OR2M3: variants seen among roughly 807,000 people sequenced by gnomAD.
The protein encoded by OR2M3 is olfactory receptor family 2 subfamily M member 3.
OR2M3 carries 1 observed loss-of-function variant against 4.3 expected under a neutral mutation model. That is an observed-to-expected ratio of 0.23 (90% CI 0.08 to 1.11). The LOEUF is 1.11. Ranked by LOEUF, OR2M3 falls within the 50% of genes most tolerant of loss-of-function variation. OR2M3 has a pLI of 0.54. For missense variants in OR2M3, 410 were observed against 390.4 expected (o/e 1.05, Z -0.42); for synonymous variants, 151 against 139.4 (o/e 1.08, Z -0.59).
At position 248,203,451 on chromosome 1, in the gene OR2M3, C is replaced by T. The variant is rs867087574; in HGVS notation, c.384C>T (p.His128=). The T allele has an allele frequency of 6.2e-7, 1 of 1,613,898 alleles. No individual in the cohort carries two copies. Among genetic ancestry groups the T allele is most frequent in the South Asian group, 1.1e-5 (1 of 91,088 alleles). ...ATGACCGCTACACTGCCATTTGCCA[C>T]CCTCTAAGATACACCAATCTCATGA... ...MAYDRYTAIC[H]PLRYTNLMSP... is the part of the protein sequence containing the mutation. Residue 128 remains histidine (H), a synonymous_variant, in exon 2 of 2, where the codon CAC becomes CAT. Coordinates refer to ENST00000641626, the MANE Select transcript of OR2M3 (RefSeq NM_001004689.2).
At position 248,204,092 on chromosome 1, in the gene OR2M3, T is replaced by C. The variant is rs1236799890; in HGVS notation, c.*86T>C. The C allele has an allele frequency of 1.2e-5, 16 of 1,285,586 alleles. No homozygotes were observed. Among genetic ancestry groups the C allele is most frequent in the Admixed American group, 1.8e-5 (1 of 55,976 alleles). 79.6% of individuals were successfully genotyped at this position (1,285,586 alleles called of 1,614,324 possible). On this transcript the variant is annotated 3_prime_UTR_variant, in exon 2 of 2. Coordinates refer to ENST00000641626, the MANE Select transcript of OR2M3 (RefSeq NM_001004689.2). ...TTTCCATTAAGCCTTGAAAATGGGA[T>C]TCATTGTGTACATAAATCTGCAATG...
chr1:248,203,252 T>C lies in OR2M3; in HGVS notation c.185T>C (p.Leu62Pro). ...CAGCTCCACACCCCCATGTACCTCC[T>C]CCTCAGCCAACTGTCCCTCATGGAC... Reference protein sequence around the residue: ...DTQLHTPMYLLLSQLSLMDLM... With the variant: ...DTQLHTPMYLPLSQLSLMDLM... The change falls in exon 2 of 2, where the codon CTC (leucine) becomes CCC (proline). Residue 62 changes from leucine to proline, a missense_variant. By Grantham distance (98) the Leu-to-Pro change is moderately conservative. Transcript: ENST00000641626. 6.2e-7 allele frequency: 1 copy of C among 1,614,014 alleles called. No homozygotes were observed. Among genetic ancestry groups the C allele is most frequent in the East Asian group, 2.2e-5 (1 of 44,870 alleles).
In OR2M3 at chr1:248,208,414, T is replaced by C. The variant is rs1192976731; in HGVS notation, c.*4408T>C. The C allele has an allele frequency of 6.6e-6, 1 of 152,172 alleles. No individual in the cohort carries two copies. Among genetic ancestry groups the C allele is most frequent in the East Asian group, 1.9e-4 (1 of 5,198 alleles). 9.4% of individuals were successfully genotyped at this position (152,172 alleles called of 1,614,324 possible). On this transcript the variant is annotated 3_prime_UTR_variant, in exon 2 of 2. Transcript: ENST00000641626. ...TTTCATTATGTTATTGTTATATAGG[T>C]CCTGTAATATTTATGCTTTAAGGAG...
rs184840576 is a variant in OR2M3 at position 248,211,981 on chromosome 1, G to C, written c.*7975G>C. 1.3e-5 allele frequency: 2 copies of C among 152,134 alleles called. No homozygotes were observed. Among genetic ancestry groups the C allele is most frequent in the African/African-American group, 4.8e-5 (2 of 41,416 alleles). The allele number at this position is 152,134 out of a possible 1,614,324, so 9.4% of individuals were successfully genotyped here. ...TTTAGCATTTCTGCTCTTTGAATAG[G>C]ATTAGAGTTTATGGAACAATGTAAA... On this transcript the variant is annotated 3_prime_UTR_variant, in exon 2 of 2. Transcript: ENST00000641626.
At position 248,203,500 on chromosome 1, in the gene OR2M3, A is replaced by T. The variant is rs1287164637; in HGVS notation, c.433A>T (p.Thr145Ser). ...GAGCCCTAAAATTTGTGGACTTATG[A>T]CTGCCTTTTCCTGGATCCTGGGCTC... ...LMSPKICGLM[T>S]AFSWILGSTD... The change falls in exon 2 of 2, where the codon ACT becomes TCT. Residue 145 changes from threonine (T) to serine (S), a missense_variant. By Grantham distance (58) the Thr-to-Ser change is moderately conservative. Transcript: ENST00000641626. 1 of 1,613,774 alleles carries T rather than the reference A, an allele frequency of 6.2e-7. No individual in the cohort carries two copies. Among genetic ancestry groups the T allele is most frequent in the Non-Finnish European group, 8.5e-7 (1 of 1,179,836 alleles).
intron 1 of OR2M3, among the ~76,000 whole-genome samples, chr1:248,200,404 T>C (rs1284299734): frequency 1.3e-5 from 2 of 152,090 alleles, no homozygotes; most frequent in East Asian, 1.9e-4. Flanking sequence ...CTACCTCCTC[T>C]TGAAGACAAC....
chr1:248,202,282 C>T (rs1478227004), intron 1 of OR2M3, among the ~76,000 whole-genome samples: 1 of 103,122 alleles, frequency 9.7e-6, no homozygotes. Flanking sequence ...ACACGGTAAT[C>T]CCCAGTGTCT....
chr1:248,210,717 C>T lies in OR2M3; in HGVS notation c.*6711C>T, dbSNP rs1279595468. On this transcript the variant is annotated 3_prime_UTR_variant, in exon 2 of 2. Transcript: ENST00000641626. ...AAGGTTCTTTGTAATTCTCCCCACC[C>T]TTGAGAGTGTACTTTGTGAGATCCA... The T allele has an allele frequency of 6.6e-6, 1 of 152,070 alleles. No homozygotes were observed. Among genetic ancestry groups the T allele is most frequent in the Non-Finnish European group, 1.5e-5 (1 of 68,082 alleles). The allele number at this position is 152,070 out of a possible 1,614,324, so 9.4% of individuals were successfully genotyped here.
chr1:248,200,787 T>C (rs1166973355), intron 1 of OR2M3, among the ~76,000 whole-genome samples: 1 of 152,076 alleles, frequency 6.6e-6, no homozygotes. Flanking sequence ...CACAATATTA[T>C]TCAAAATTTA....
intron 1 of OR2M3, among the ~76,000 whole-genome samples, chr1:248,202,498 G>C (rs1445685101): frequency 6.6e-6 from 1 of 152,130 alleles, no homozygotes; most frequent in East Asian, 1.9e-4. Context: ...TTTTAGATTT[G>C]TATAATTGAA....
At position 248,211,076 on chromosome 1, in the gene OR2M3, C is replaced by G. The variant is rs1666277122; in HGVS notation, c.*7070C>G. On this transcript the variant is annotated 3_prime_UTR_variant, in exon 2 of 2. Transcript: ENST00000641626. ...AGGTAGCAAACAAATCTTCTTTTCCCAGGGTATAAACTCAAAATTTTATTG... is the reference window on the plus strand; with the variant it reads ...AGGTAGCAAACAAATCTTCTTTTCCGAGGGTATAAACTCAAAATTTTATTG... The G allele has an allele frequency of 6.6e-6, 1 of 152,142 alleles. No individual in the cohort carries two copies. Among genetic ancestry groups the G allele is most frequent in the Non-Finnish European group, 1.5e-5 (1 of 68,030 alleles). The allele number at this position is 152,142 out of a possible 1,614,324, so 9.4% of individuals were successfully genotyped here. A position where few individuals can be genotyped will look rare whatever the true frequency, so the allele number is the denominator to read the frequency against.
At position 248,207,749 on chromosome 1, in the gene OR2M3, T is replaced by C. The variant is rs534764401; in HGVS notation, c.*3743T>C. Reference sequence around the variant, plus strand: ...ATCATATGGTCTATCTTGGAGAATGTTCTGTGTACTGATGAATAGAATATA... The same window carrying C: ...ATCATATGGTCTATCTTGGAGAATGCTCTGTGTACTGATGAATAGAATATA... On this transcript the variant is annotated 3_prime_UTR_variant, in exon 2 of 2. Coordinates refer to ENST00000641626, the MANE Select transcript of OR2M3 (RefSeq NM_001004689.2). 6 of 152,258 alleles carry C rather than the reference T, an allele frequency of 3.9e-5. No homozygotes were observed. Among genetic ancestry groups the C allele is most frequent in the Admixed American group, 3.3e-4 (5 of 15,282 alleles). 9.4% of individuals were successfully genotyped at this position (152,258 alleles called of 1,614,324 possible). A position where few individuals can be genotyped will look rare whatever the true frequency, so the allele number is the denominator to read the frequency against.
intron 1 of OR2M3, among the ~76,000 whole-genome samples, chr1:248,202,712 G>A (rs1572791645): frequency 6.6e-6 from 1 of 151,484 alleles, no homozygotes; most frequent in Non-Finnish European, 1.5e-5. Flanking sequence ...CTATCAATGT[G>A]TCTGTAAAAG....
rs544995244 is a variant in OR2M3, at chr1:248,205,281, A to T, written c.*1275A>T. The T allele has an allele frequency of 6.6e-6, 1 of 152,102 alleles. No homozygotes were observed. The highest frequency in any genetic ancestry group is 1.9e-4 in the East Asian group (1 of 5,172). The allele number at this position is 152,102 out of a possible 1,614,324, so 9.4% of individuals were successfully genotyped here. A position where few individuals can be genotyped will look rare whatever the true frequency, so the allele number is the denominator to read the frequency against. ...CTGACCGTTCCTTTTGCAGTGCAAA[A>T]GGTCTTTAGTTTAATTAGTTCCCAG... On this transcript the variant is annotated 3_prime_UTR_variant, in exon 2 of 2. Transcript: ENST00000641626.
intron 1 of OR2M3, among the ~76,000 whole-genome samples, chr1:248,201,183 C>G (rs192714858): frequency 1.3e-5 from 2 of 151,908 alleles, no homozygotes; most frequent in African/African-American, 4.8e-5. Flanking sequence ...ATTTTAAAAC[C>G]CTGTGTTTTC....
At position 248,207,339 on chromosome 1, in the gene OR2M3, T is replaced by C. The variant is rs1666235031; in HGVS notation, c.*3333T>C. ...CTCTGATCTTCATTATTTCTTTTCT[T>C]CTTCTGGGTTTGGGTTTGGATTGTT... On this transcript the variant is annotated 3_prime_UTR_variant, in exon 2 of 2. Coordinates refer to ENST00000641626, the MANE Select transcript of OR2M3 (RefSeq NM_001004689.2). 6.6e-6 allele frequency: 1 copy of C among 152,060 alleles called. No homozygotes were observed. Among genetic ancestry groups the C allele is most frequent in the Admixed American group, 6.6e-5 (1 of 15,246 alleles). The allele number at this position is 152,060 out of a possible 1,614,324, so 9.4% of individuals were successfully genotyped here.
rs1227023608 is a variant in OR2M3, at chr1:248,206,902, A to C, written c.*2896A>C. 6.6e-6 allele frequency: 1 copy of C among 151,996 alleles called. No individual in the cohort carries two copies. The highest frequency in any genetic ancestry group is 1.5e-5 in the Non-Finnish European group (1 of 67,924). The allele number at this position is 151,996 out of a possible 1,614,324, so 9.4% of individuals were successfully genotyped here. A position where few individuals can be genotyped will look rare whatever the true frequency, so the allele number is the denominator to read the frequency against. On this transcript the variant is annotated 3_prime_UTR_variant, in exon 2 of 2. Transcript: ENST00000641626. ...TAGGATTGGTATTAATTCTTCTTTGAATGTCTGATAGAATTCAGCTGTGAA... is the reference window on the plus strand; with the variant it reads ...TAGGATTGGTATTAATTCTTCTTTGCATGTCTGATAGAATTCAGCTGTGAA...
In OR2M3 at chr1:248,204,624, T is replaced by G. The variant is rs993815003; in HGVS notation, c.*618T>G. On this transcript the variant is annotated 3_prime_UTR_variant, in exon 2 of 2. Transcript: ENST00000641626. Reference sequence around the variant, plus strand: ...TGGTATGTGTGTATATAGATATATATATATATACGTATATATATACACACA... The same window carrying G: ...TGGTATGTGTGTATATAGATATATAGATATATACGTATATATATACACACA... 6.6e-6 allele frequency: 1 copy of G among 151,380 alleles called. No individual in the cohort carries two copies. The highest frequency in any genetic ancestry group is 2.4e-5 in the African/African-American group (1 of 41,006). 9.4% of individuals were successfully genotyped at this position (151,380 alleles called of 1,614,324 possible). A position where few individuals can be genotyped will look rare whatever the true frequency, so the allele number is the denominator to read the frequency against.
Position 248,204,839 on chromosome 1 carries a change from T to A in OR2M3, c.*833T>A, listed in dbSNP as rs1666208149. ...GCTAGATCAAAAGGTAGATCCACTT[T>A]TAGTTCTTTAAGGAATGTTCACACT... On this transcript the variant is annotated 3_prime_UTR_variant, in exon 2 of 2. Transcript: ENST00000641626. 1 of 151,858 alleles carries A rather than the reference T, an allele frequency of 6.6e-6. No individual in the cohort carries two copies. Among genetic ancestry groups the A allele is most frequent in the Non-Finnish European group, 1.5e-5 (1 of 67,970 alleles). 9.4% of individuals were successfully genotyped at this position (151,858 alleles called of 1,614,324 possible).
Sources: gnomAD v4.1 joint callset for allele counts (sites outside exome capture counted in the v4.1 genomes callset) on GRCh38, gnomAD v4.1.1 for gene constraint, MANE v1.5 for transcripts, NCBI Gene and HGNC (gene_info 2026-07-23, HGNC 2026-07-21) for gene names.